Variants in SCAPER observed in about 807,000 individuals in gnomAD.
The protein encoded by SCAPER is S phase cyclin A-associated protein in the endoplasmic reticulum.
SCAPER carries 98 observed loss-of-function variants against 182.2 expected under a neutral mutation model. The observed-to-expected ratio is 0.54, with a 90% CI of 0.46 to 0.64. The LOEUF (loss-of-function observed/expected upper bound fraction) is 0.64, where lower values mean the gene tolerates loss of function less well. Ranked by LOEUF, SCAPER falls within the 30% of genes least tolerant of loss-of-function variation. The pLI, the probability that SCAPER is intolerant of heterozygous loss-of-function variation, is 0.00. For synonymous variants in SCAPER, 605 were observed against 564.6 expected (o/e 1.07, Z -1.01); for missense variants, 1,432 against 1,690.0 (o/e 0.85, Z 2.68).
At chr15:76,506,383 T>C (rs1348995380) in intron 23 of SCAPER, among the ~76,000 whole-genome samples, 1 of 152,030 alleles carries the variant, frequency 6.6e-6, no homozygotes, top group Non-Finnish European at 1.5e-5. Context: ...TAAATACATA[T>C]ATAAACTATG....
intron 5 of SCAPER, among the ~76,000 whole-genome samples, chr15:76,810,551 C>CCA (rs67252250): frequency 0.083 from 11,022 of 133,360 alleles, 477 homozygotes; most frequent in Middle Eastern, 0.13. Context: ...AAAAAAAAAA[C>CCA]CACACACACA....
At chr15:76,718,773 G>C (rs1026529748) in intron 17 of SCAPER, among the ~76,000 whole-genome samples, 1 of 152,004 alleles carries the variant, frequency 6.6e-6, no homozygotes, top group African/African-American at 2.4e-5. Context: ...TTTCTCCAAA[G>C]AAGTCATAGT....
chr15:76,824,206 G>C (rs1451812976), intron 5 of SCAPER, among the ~76,000 whole-genome samples: 6 of 152,244 alleles, frequency 3.9e-5, no homozygotes, highest in African/African-American at 1.4e-4. Flanking sequence ...CAGAACAAAA[G>C]TGGCTCTGAA....
At chr15:76,723,938 G>C (rs1279175915) in intron 17 of SCAPER, among the ~76,000 whole-genome samples, 1 of 152,154 alleles carries the variant, frequency 6.6e-6, no homozygotes, top group Non-Finnish European at 1.5e-5. Flanking sequence ...GGTTAGTATT[G>C]TTACGTGTGA....
intron 29 of SCAPER, among the ~76,000 whole-genome samples, chr15:76,355,373 A>G (rs1432225025): frequency 6.6e-6 from 1 of 152,246 alleles, no homozygotes; most frequent in Non-Finnish European, 1.5e-5. Flanking sequence ...AATTCAGCAC[A>G]TGGCTATGTG....
chr15:76,714,221 TG>T (rs2059756839), intron 17 of SCAPER, among the ~76,000 whole-genome samples: 1 of 152,054 alleles, frequency 6.6e-6, no homozygotes, highest in Admixed American at 6.6e-5. Flanking sequence ...TTGGGCGGGG[TG>T]GTGATGGATA....
chr15:76,838,675 C>T (rs911339053), intron 5 of SCAPER, among the ~76,000 whole-genome samples: 3 of 152,140 alleles, frequency 2.0e-5, no homozygotes, highest in African/African-American at 7.2e-5. Context: ...CCCAAGCCTC[C>T]AGAGACACAC....
intron 20 of SCAPER, among the ~76,000 whole-genome samples, chr15:76,687,710 G>C (rs138990196): frequency 6.6e-6 from 1 of 152,132 alleles, no homozygotes; most frequent in Non-Finnish European, 1.5e-5. Context: ...CTGTTCTTGT[G>C]TTGGTTTGCT....
chr15:76,665,697 T>C lies in SCAPER; in HGVS notation c.2601A>G (p.Lys867=). 6.3e-7 allele frequency: 1 copy of C among 1,580,490 alleles called. No homozygotes were observed. The highest frequency in any genetic ancestry group is 8.6e-7 in the Non-Finnish European group (1 of 1,163,386). Residue 867 remains lysine, a synonymous_variant, in exon 21 of 32, where the codon AAA becomes AAG. Coordinates refer to ENST00000563290, the MANE Select transcript of SCAPER (RefSeq NM_020843.4). ...TTATCTTTTTGGCTTTTTTTTTATT[T>C]TTTTGCCGCTCTTCTCCATCTTTCA... ...EALKDGEERQ[K]NKKKAKKIKA... is the part of the protein sequence containing the mutation.
chr15:76,668,963 A>C (rs1038219603), intron 20 of SCAPER, among the ~76,000 whole-genome samples: 5 of 152,190 alleles, frequency 3.3e-5, no homozygotes, highest in Non-Finnish European at 7.3e-5. Context: ...GAAGGTATAT[A>C]TTTTTATTAT....
intron 25 of SCAPER, among the ~76,000 whole-genome samples, chr15:76,469,427 GA>G (rs1193779851): frequency 6.6e-6 from 1 of 152,058 alleles, no homozygotes; most frequent in East Asian, 1.9e-4. Context: ...TTGAAAGGAG[GA>G]AATTAACATT....
intron 26 of SCAPER, among the ~76,000 whole-genome samples, chr15:76,410,013 G>C (rs1257502053): frequency 6.7e-6 from 1 of 149,132 alleles, no homozygotes; most frequent in Non-Finnish European, 1.5e-5. Context: ...GTCTGGTTGT[G>C]AACTCCTGGA....
At chr15:76,422,107 C>T (rs1295442682) in intron 26 of SCAPER, among the ~76,000 whole-genome samples, 1 of 152,054 alleles carries the variant, frequency 6.6e-6, no homozygotes, top group Non-Finnish European at 1.5e-5. Context: ...CAATGCGGGC[C>T]CTTTTTTGGT....
intron 17 of SCAPER, among the ~76,000 whole-genome samples, chr15:76,709,679 T>C (rs1018288255): frequency 6.6e-6 from 1 of 152,164 alleles, no homozygotes; most frequent in African/African-American, 2.4e-5. Flanking sequence ...ATTTCTCAAA[T>C]AGAGCAGGAA....
chr15:76,441,854 G>A (rs140633994), intron 25 of SCAPER, among the ~76,000 whole-genome samples: 4 of 152,162 alleles, frequency 2.6e-5, no homozygotes, highest in African/African-American at 4.8e-5. Context: ...CCACGAGAGC[G>A]AGACTTTGTC....
intron 14 of SCAPER, among the ~76,000 whole-genome samples, chr15:76,758,396 A>G (rs2062576218): frequency 6.6e-6 from 1 of 152,062 alleles, no homozygotes; most frequent in Non-Finnish European, 1.5e-5. Context: ...GTTGCCCATA[A>G]TTGCATAGGT....
chr15:76,380,092 T>G (rs1232961128), intron 28 of SCAPER: 1 of 152,174 alleles, frequency 6.6e-6, no homozygotes, highest in African/African-American at 2.4e-5. Flanking sequence ...GGACTCCATA[T>G]CCTGAGCATG....
At chr15:76,398,835 T>G (rs759262213) in intron 27 of SCAPER, among the ~76,000 whole-genome samples, 5 of 152,252 alleles carry the variant, frequency 3.3e-5, no homozygotes, top group Non-Finnish European at 7.3e-5. Flanking sequence ...TTGTAAGGAT[T>G]GCAAACTCTT....
chr15:76,903,145 A>G (rs17464903), intron 1 of SCAPER, among the ~76,000 whole-genome samples: 58,055 of 151,996 alleles, frequency 0.38, 13,116 homozygotes, highest in Middle Eastern at 0.53. Context: ...CTGCAGCTAA[A>G]TGAAGACATT....
Sources: allele counts gnomAD v4.1 joint callset (sites outside exome capture counted in the v4.1 genomes callset), GRCh38; gene constraint gnomAD v4.1.1; transcripts MANE v1.5; gene names NCBI Gene and HGNC (gene_info 2026-07-23, HGNC 2026-07-21).